Variants in LETM2 observed in about 807,000 individuals in gnomAD.
The protein encoded by LETM2 is leucine zipper and EF-hand containing transmembrane protein 2, also known as LETM1 domain-containing protein LETM2, mitochondrial.
A neutral mutation model predicts 59.6 loss-of-function variants in LETM2; 58 were observed. That is an observed-to-expected ratio of 0.97 (90% CI 0.79 to 1.21). LETM2 has a LOEUF of 1.21. Ranked by LOEUF, LETM2 falls within the 50% of genes most tolerant of loss-of-function variation. The probability of loss-of-function intolerance (pLI) is 0.00; values close to 1 mark genes in which losing one functional copy is unlikely to be tolerated. For synonymous variants in LETM2, 199 were observed against 214.1 expected (o/e 0.93, Z 0.62); for missense variants, 572 against 575.7 (o/e 0.99, Z 0.07).
In LETM2 at chr8:38,406,962, T is replaced by C; in HGVS notation, c.1235T>C (p.Ile412Thr). 6.2e-7 allele frequency: 1 copy of C among 1,608,320 alleles called. No homozygotes were observed. ...PLSGEAPKTD[I>T]LVELPTFTES... ...TCTCCCCAGGCTCCAAAGACTGATA[T>C]TCTTGTGGAATTACCTACTTTCACT... Residue 412 changes from isoleucine (I) to threonine (T), a missense_variant, in exon 9 of 11, where the codon ATT becomes ACT. Ile to Thr is a moderately conservative substitution (Grantham distance 89). Transcript: ENST00000379957.
intron 4 of LETM2, among the ~76,000 whole-genome samples, chr8:38,396,173 T>A (rs995881932): frequency 1.3e-5 from 2 of 151,598 alleles, no homozygotes; most frequent in South Asian, 2.1e-4. Context: ...TATTTATTTT[T>A]TTTTTTTTGA....
intron 4 of LETM2, among the ~76,000 whole-genome samples, chr8:38,399,728 A>G (rs1461954351): frequency 1.3e-5 from 2 of 151,190 alleles, no homozygotes; most frequent in Non-Finnish European, 2.9e-5. Flanking sequence ...CAGTGAGTCA[A>G]GATGGTACCT....
chr8:38,392,518 A>G, intron 2 of LETM2, 24 bp from the exon 3 acceptor site: 1 of 1,409,314 alleles, frequency 7.1e-7, no homozygotes, highest in African/African-American at 1.4e-5. Context: ...TACTTAACTC[A>G]GAGGATGTTG....
At position 38,392,901 on chromosome 8, in the gene LETM2, G is replaced by T; in HGVS notation, c.407G>T (p.Gly136Val). 1.9e-6 allele frequency: 3 copies of T among 1,613,846 alleles called. No homozygotes were observed. Among genetic ancestry groups the T allele is most frequent in the Non-Finnish European group, 2.5e-6 (3 of 1,180,040 alleles). ...IMDELKYYYN[G>V]FYLLWIDAKV... ...GATGAACTAAAATATTATTACAATG[G>T]ATTCTACTTACTTTGGATTGACGCC... The change falls in exon 3 of 11, where the codon GGA (glycine) becomes GTA (valine). Residue 136 changes from glycine (G) to valine (V), a missense_variant. By Grantham distance (109) the Gly-to-Val change is moderately radical. Coordinates refer to ENST00000379957, the MANE Select transcript of LETM2 (RefSeq NM_001286819.2).
chr8:38,407,414 C>T lies in LETM2; in HGVS notation c.1364C>T (p.Ser455Leu), dbSNP rs1381986036. Residue 455 changes from serine to leucine, a missense_variant, in exon 10 of 11, where the codon TCA becomes TTA. Physicochemically the swap from Ser to Leu is moderately radical, Grantham distance 145. Transcript: ENST00000379957. ...GTTACATCATCACCCATAACACCAT[C>T]AACACCTATTTCATTACCTAAAGGA... ...PPVTSSPITP[S>L]TPISLPKGPI... The T allele has an allele frequency of 6.2e-7, 1 of 1,613,382 alleles. No individual in the cohort carries two copies. The highest frequency in any genetic ancestry group is 8.5e-7 in the Non-Finnish European group (1 of 1,179,512).
chr8:38,389,859 C>T (rs572942355), intron 2 of LETM2, among the ~76,000 whole-genome samples: 6 of 151,830 alleles, frequency 4.0e-5, no homozygotes, highest in South Asian at 4.2e-4. Context: ...ATTAGCTGGA[C>T]GTGGTGGCAT....
Position 38,402,508 on chromosome 8 carries a change from C to A in LETM2, c.985-17C>A. On this transcript the variant is annotated splice_polypyrimidine_tract_variant and intron_variant, in intron 6 of 10. Coordinates refer to ENST00000379957, the MANE Select transcript of LETM2 (RefSeq NM_001286819.2). ...TGGAATCAAAAGTTCCAACTCCATC[C>A]CTTACATTTCTTTCAGATAATTGCC... 1 of 1,613,052 alleles carries A rather than the reference C, an allele frequency of 6.2e-7. No individual in the cohort carries two copies. Among genetic ancestry groups the A allele is most frequent in the Non-Finnish European group, 8.5e-7 (1 of 1,179,194 alleles).
intron 2 of LETM2, among the ~76,000 whole-genome samples, chr8:38,391,643 G>A (rs1812289383): frequency 6.6e-6 from 1 of 151,542 alleles, no homozygotes; most frequent in Admixed American, 6.6e-5. Flanking sequence ...TGCAAACTGT[G>A]GGCTGTTGCA....
rs1392414433 is a variant in LETM2, at chr8:38,406,993, T to C, written c.1266T>C (p.Ser422=). The C allele has an allele frequency of 1.2e-5, 19 of 1,612,360 alleles. No individual in the cohort carries two copies. The highest frequency in any genetic ancestry group is 1.6e-5 in the Non-Finnish European group (19 of 1,178,522). The change falls in exon 9 of 11, where the codon TCT becomes TCC. Residue 422 remains serine (S), a synonymous_variant. Coordinates refer to ENST00000379957, the MANE Select transcript of LETM2 (RefSeq NM_001286819.2). ...TGGAATTACCTACTTTCACTGAATC[T>C]AAAGAGAACATGGTGGATCTTGCAC... The part of the protein sequence containing the change: ...ILVELPTFTE[S]KENMVDLAPQ...
chr8:38,403,427 G>C (rs1290644950), intron 7 of LETM2, among the ~76,000 whole-genome samples: 1 of 152,254 alleles, frequency 6.6e-6, no homozygotes, highest in Non-Finnish European at 1.5e-5. Context: ...TCATCTGTGT[G>C]AATCTGTCTG....
At chr8:38,397,056 G>A in intron 4 of LETM2, 2 of 454,488 alleles carry the variant, frequency 4.4e-6, no homozygotes, top group Non-Finnish European at 8.8e-6. Context: ...CAGTCACTGT[G>A]CCGGTGAGAA....
Position 38,400,924 on chromosome 8 carries a change from C to T in LETM2, c.855C>T (p.Ala285=). The change falls in exon 6 of 11, where the codon GCC becomes GCT. Residue 285 remains alanine (A), a synonymous_variant. Transcript: ENST00000379957. ...RFSKLFEDQL[A]LEHLDRPQLV... is the part of the protein sequence containing the mutation. ...CCAAACTATTTGAGGACCAGCTGGCCCTGGAACACTTAGATCGCCCTCAGC... is the reference window on the plus strand; with the variant it reads ...CCAAACTATTTGAGGACCAGCTGGCTCTGGAACACTTAGATCGCCCTCAGC... 6.2e-7 allele frequency: 1 copy of T among 1,614,146 alleles called. No individual in the cohort carries two copies. The highest frequency in any genetic ancestry group is 8.5e-7 in the Non-Finnish European group (1 of 1,180,012).
intron 2 of LETM2, among the ~76,000 whole-genome samples, chr8:38,389,817 G>A (rs1425970293): frequency 6.6e-6 from 1 of 151,658 alleles, no homozygotes; most frequent in Non-Finnish European, 1.5e-5. Flanking sequence ...TGGCCAATGT[G>A]GTGAAACCCC....
intron 4 of LETM2, among the ~76,000 whole-genome samples, chr8:38,397,568 A>C (rs1812788471): frequency 6.6e-6 from 1 of 152,182 alleles, no homozygotes; most frequent in African/African-American, 2.4e-5. Flanking sequence ...CCAGGGCATC[A>C]ATGACAGGAA....
At chr8:38,391,484 G>A (rs921948457) in intron 2 of LETM2, among the ~76,000 whole-genome samples, 1 of 151,370 alleles carries the variant, frequency 6.6e-6, no homozygotes, top group Non-Finnish European at 1.5e-5. Flanking sequence ...TGTATTTTTA[G>A]TAGAGATGGG....
chr8:38,400,379 C>CT lies in LETM2; in HGVS notation c.754dup (p.Ser252PhefsTer30). 1 of 1,605,982 alleles carries CT rather than the reference C, an allele frequency of 6.2e-7. No homozygotes were observed. Among genetic ancestry groups the CT allele is most frequent in the South Asian group, 1.1e-5 (1 of 88,816 alleles). ...GGAACAGAGCCAAGATGGGCGATGCCTCTACACAGCTCTCATCCTACGTGA... is the reference window on the plus strand; with the variant it reads ...GGAACAGAGCCAAGATGGGCGATGCCTTCTACACAGCTCTCATCCTACGTGA... On this transcript the variant is annotated frameshift_variant, in exon 5 of 11. Transcript: ENST00000379957. LOFTEE classifies it high-confidence loss of function.
intron 8 of LETM2, chr8:38,406,720 G>C (rs533771634): frequency 1.4e-5 from 6 of 429,556 alleles, no homozygotes; most frequent in African/African-American, 1.2e-4. Context: ...ATCTATCAGA[G>C]TGCAACTTTT....
rs1334646639 is a variant in LETM2 at position 38,402,450 on chromosome 8, C to T, written c.985-75C>T. The T allele has an allele frequency of 1.9e-6, 3 of 1,539,062 alleles. No homozygotes were observed. In the African/African-American group the frequency reaches 4.1e-5, roughly 21 times the overall value. On this transcript the variant is annotated intron_variant, in intron 6 of 10. Transcript: ENST00000379957. ...ATCCAAGCCTCTGATTCTGTTTCCACTGATTTGCTGGAATTTAGGGTTTAC... is the reference window on the plus strand; with the variant it reads ...ATCCAAGCCTCTGATTCTGTTTCCATTGATTTGCTGGAATTTAGGGTTTAC...
At chr8:38,402,476 G>A (rs749633385) in intron 6 of LETM2, 49 bp from the exon 7 acceptor site, 21 of 1,601,000 alleles carry the variant, frequency 1.3e-5, no homozygotes, top group East Asian at 4.5e-5. Context: ...TAGGGTTTAC[G>A]TAAAATTGGA....
Sources: gnomAD v4.1 joint callset for allele counts (sites outside exome capture counted in the v4.1 genomes callset) on GRCh38, gnomAD v4.1.1 for gene constraint, MANE v1.5 for transcripts, NCBI Gene and HGNC (gene_info 2026-07-23, HGNC 2026-07-21) for gene names.